The following SLC22A16 variants were observed in gnomAD, a reference collection of about 807,000 sequenced individuals.
SLC22A16 encodes the protein solute carrier family 22 member 16, also known as WUGSC:RG331P03.1.
SLC22A16 carries 53 observed loss-of-function variants against 52.9 expected under a neutral mutation model. That is an observed-to-expected ratio of 1.00 (90% CI 0.80 to 1.26). SLC22A16 has a LOEUF of 1.26. Ranked by LOEUF, SLC22A16 falls within the 50% of genes most tolerant of loss-of-function variation. The pLI, the probability that SLC22A16 is intolerant of heterozygous loss-of-function variation, is 0.00. For synonymous variants in SLC22A16, 291 were observed against 268.8 expected, an observed-to-expected ratio of 1.08 and a Z score of -0.81; for missense variants, 726 against 704.0, an observed-to-expected ratio of 1.03 and a Z score of -0.35.
chr6:110,468,010 G>A (rs1251358013), intron 1 of SLC22A16, among the ~76,000 whole-genome samples: 5 of 152,190 alleles, frequency 3.3e-5, no homozygotes, highest in African/African-American at 7.2e-5. Flanking sequence ...ACCTCATGTA[G>A]ATAAATAATA....
intron 1 of SLC22A16, among the ~76,000 whole-genome samples, chr6:110,471,086 A>C (rs770358799): frequency 6.6e-6 from 1 of 152,224 alleles, no homozygotes; most frequent in African/African-American, 2.4e-5. Flanking sequence ...GTAGAGCCAC[A>C]TGCCACAAAA....
At chr6:110,471,532 A>T (rs1776260760) in intron 1 of SLC22A16, among the ~76,000 whole-genome samples, 1 of 152,274 alleles carries the variant, frequency 6.6e-6, no homozygotes. Flanking sequence ...GTGCCATTAA[A>T]TACTATGTAG....
intron 2 of SLC22A16, among the ~76,000 whole-genome samples, chr6:110,447,966 C>T (rs1038462378): frequency 3.3e-5 from 5 of 152,106 alleles, no homozygotes; most frequent in East Asian, 1.9e-4. Context: ...CATTCATGAA[C>T]AAGATTTTGT....
At chr6:110,476,141 G>A (rs1314237500) in intron 1 of SLC22A16, 2 of 399,666 alleles carry the variant, frequency 5.0e-6, no homozygotes, top group East Asian at 6.7e-5. Flanking sequence ...GGGAAGTGGC[G>A]GCGGATTAGA....
At chr6:110,445,154 C>G (rs1775119981) in intron 3 of SLC22A16, among the ~76,000 whole-genome samples, 1 of 152,116 alleles carries the variant, frequency 6.6e-6, no homozygotes. Context: ...AGAGCAAAAT[C>G]CTGACAATCC....
At chr6:110,461,348 A>G (rs557351282) in intron 1 of SLC22A16, among the ~76,000 whole-genome samples, 1 of 152,318 alleles carries the variant, frequency 6.6e-6, no homozygotes, top group African/African-American at 2.4e-5. Context: ...GAGTGCTGTG[A>G]AAGGGGCATG....
intron 1 of SLC22A16, among the ~76,000 whole-genome samples, chr6:110,474,180 C>G (rs769403986): frequency 1.3e-5 from 2 of 152,114 alleles, no homozygotes; most frequent in African/African-American, 4.8e-5. Context: ...ACCATCCTCC[C>G]GACCCCACCA....
intron 2 of SLC22A16, chr6:110,455,669 G>T (rs1775620453): frequency 6.6e-6 from 1 of 152,090 alleles, no homozygotes; most frequent in South Asian, 2.1e-4. Flanking sequence ...ATATGGCCAG[G>T]TTATGCTTTG....
intron 5 of SLC22A16, among the ~76,000 whole-genome samples, chr6:110,436,819 C>T (rs969366312): frequency 6.6e-6 from 1 of 152,184 alleles, no homozygotes. Context: ...ACCTCCACCT[C>T]GGTTTTTATT....
chr6:110,427,847 C>T (rs1774330396), intron 7 of SLC22A16, among the ~76,000 whole-genome samples: 1 of 152,158 alleles, frequency 6.6e-6, no homozygotes, highest in Admixed American at 6.5e-5. Flanking sequence ...TCTTTTAAAT[C>T]ACCATACCTG....
Position 110,425,060 on chromosome 6 carries a change from A to AGG in SLC22A16, c.1545_1546dup (p.Leu516ProfsTer2). 1 of 1,614,224 alleles carries AGG rather than the reference A, an allele frequency of 6.2e-7. No homozygotes were observed. The highest frequency in any genetic ancestry group is 2.2e-5 in the East Asian group (1 of 44,884). On this transcript the variant is annotated frameshift_variant, in exon 8 of 8. Transcript: ENST00000368919. LOFTEE classifies it low-confidence loss of function (END_TRUNC). Reference sequence around the variant, plus strand: ...AAGCTTTAGTGTTAACACTCCACTCAGGAGGGCCATAGTCCCAACAAACAA... The same window carrying AGG: ...AAGCTTTAGTGTTAACACTCCACTCAGGGGAGGGCCATAGTCCCAACAAACAA...
intron 3 of SLC22A16, among the ~76,000 whole-genome samples, chr6:110,443,013 T>C (rs1775037554): frequency 6.6e-6 from 1 of 152,236 alleles, no homozygotes; most frequent in South Asian, 2.1e-4. Flanking sequence ...TTATTTATGA[T>C]ATAAATGTTA....
At chr6:110,425,183 T>A in intron 7 of SLC22A16, 98 bp from the exon 8 acceptor site, 1 of 1,546,140 alleles carries the variant, frequency 6.5e-7, no homozygotes, top group South Asian at 1.2e-5. Context: ...GGTAATGGAT[T>A]TGAATTTGAC....
Position 110,438,847 on chromosome 6 carries a change from C to A in SLC22A16, c.1184G>T (p.Gly395Val), listed in dbSNP as rs773335777. 2.5e-6 allele frequency: 4 copies of A among 1,613,860 alleles called. No homozygotes were observed. The highest frequency in any genetic ancestry group is 3.4e-6 in the Non-Finnish European group (4 of 1,179,846). The change falls in exon 5 of 8, where the codon GGT becomes GTT. Residue 395 changes from glycine to valine, a missense_variant and splice_region_variant. By Grantham distance (109) the Gly-to-Val change is moderately radical. Coordinates refer to ENST00000368919, the MANE Select transcript of SLC22A16 (RefSeq NM_033125.4). ...GNEYLNLFLL[G>V]VVEIPAYTFV... The stretch of plus-strand genomic sequence containing the variant: ...GGTGTAGGCGGGAATTTCCACTACA[C>A]CTGTCATTGAGCAAGCAGCCCTCTA...
chr6:110,451,753 A>G (rs1413842769), intron 2 of SLC22A16, among the ~76,000 whole-genome samples: 1 of 152,220 alleles, frequency 6.6e-6, no homozygotes, highest in Non-Finnish European at 1.5e-5. Flanking sequence ...TTTGGTGGAC[A>G]TAAATTCCTG....
At chr6:110,449,463 G>A (rs1775293100) in intron 2 of SLC22A16, among the ~76,000 whole-genome samples, 1 of 152,046 alleles carries the variant, frequency 6.6e-6, no homozygotes, top group South Asian at 2.1e-4. Context: ...GCAATCTCTT[G>A]TTGCTGTTGT....
At chr6:110,439,222 C>A (rs911456851) in intron 4 of SLC22A16, among the ~76,000 whole-genome samples, 1 of 152,164 alleles carries the variant, frequency 6.6e-6, no homozygotes, top group Non-Finnish European at 1.5e-5. Context: ...AAATCCAAAA[C>A]GGTAGATAAT....
At chr6:110,446,733 G>A (rs1775188514) in intron 3 of SLC22A16, 140 bp downstream of exon 3, 1 of 748,790 alleles carries the variant, frequency 1.3e-6, no homozygotes, top group Non-Finnish European at 2.2e-6. Flanking sequence ...TTGGTATTCT[G>A]TAGGCAGACT....
chr6:110,448,194 T>A (rs1775248838), intron 2 of SLC22A16, among the ~76,000 whole-genome samples: 1 of 152,216 alleles, frequency 6.6e-6, no homozygotes, highest in Non-Finnish European at 1.5e-5. Flanking sequence ...GCCAGCCCAA[T>A]GGCTGTGAAG....
Sources: gnomAD v4.1 joint callset for allele counts (sites outside exome capture counted in the v4.1 genomes callset) on GRCh38, gnomAD v4.1.1 for gene constraint, MANE v1.5 for transcripts, NCBI Gene and HGNC (gene_info 2026-07-23, HGNC 2026-07-21) for gene names.